Variants in PDE1C observed in about 807,000 individuals in gnomAD.
PDE1C encodes the protein phosphodiesterase 1C.
Under a neutral mutation model 93.1 loss-of-function variants are expected in PDE1C, and 62 were observed. The ratio of observed to expected loss-of-function variants is 0.67; its 90% CI spans 0.54 to 0.82. The LOEUF is 0.82. PDE1C is among the 40% of genes least tolerant of loss of function. The probability of loss-of-function intolerance (pLI) is 0.00; values close to 1 mark genes in which losing one functional copy is unlikely to be tolerated. For missense variants in PDE1C, 742 were observed against 884.6 expected (o/e 0.84, Z 2.04); for synonymous variants, 325 against 310.1 (o/e 1.05, Z -0.50).
At chr7:31,965,187 G>A (rs1347962089) in intron 2 of PDE1C, among the ~76,000 whole-genome samples, 1 of 150,522 alleles carries the variant, frequency 6.6e-6, no homozygotes, top group African/African-American at 2.5e-5. Flanking sequence ...TCGAACCAAT[G>A]GCAAAGAAGT....
At chr7:31,895,989 C>CATACATACATA (rs1554399921) in intron 2 of PDE1C, among the ~76,000 whole-genome samples, 1 of 29,994 alleles carries the variant, frequency 3.3e-5, no homozygotes, top group Admixed American at 5.3e-4. Context: ...ATACACTCTC[C>CATACATACATA]CTTACATACA....
chr7:31,684,637 C>T, the PDE1C span, among the ~76,000 whole-genome samples: 1 of 152,100 alleles, frequency 6.6e-6, no homozygotes, highest in Non-Finnish European at 1.5e-5. Context: ...AGAGAAACTA[C>T]GCAGATGACA....
At chr7:32,418,246 C>T (rs1169864915) in intron 1 of PDE1C, among the ~76,000 whole-genome samples, 1 of 152,110 alleles carries the variant, frequency 6.6e-6, no homozygotes, top group Non-Finnish European at 1.5e-5. Context: ...TTTTTATCAG[C>T]CTCAAGCTGC....
intron 2 of PDE1C, among the ~76,000 whole-genome samples, chr7:32,202,887 A>C (rs1352936781): frequency 6.6e-6 from 1 of 152,114 alleles, no homozygotes; most frequent in African/African-American, 2.4e-5. Context: ...TAACGTGAAC[A>C]ATACCATATT....
chr7:32,420,115 A>G (rs1411143498), intron 1 of PDE1C, among the ~76,000 whole-genome samples: 1 of 28,130 alleles, frequency 3.6e-5, no homozygotes, highest in African/African-American at 1.1e-4. Flanking sequence ...ATATATATAT[A>G]TATATATATA....
intron 17 of PDE1C, among the ~76,000 whole-genome samples, chr7:31,773,762 G>A (rs558108741): frequency 3.9e-4 from 59 of 152,114 alleles, no homozygotes; most frequent in Non-Finnish European, 7.1e-4. Flanking sequence ...AAACATTAAT[G>A]CATACCCAGT....
chr7:31,699,992 G>C, the PDE1C span, among the ~76,000 whole-genome samples: 1 of 151,800 alleles, frequency 6.6e-6, no homozygotes, highest in African/African-American at 2.4e-5. Flanking sequence ...CCTATTCCAC[G>C]AGACACAAAG....
intron 2 of PDE1C, among the ~76,000 whole-genome samples, chr7:31,892,241 G>A (rs1375424433): frequency 6.6e-6 from 1 of 152,158 alleles, no homozygotes; most frequent in Non-Finnish European, 1.5e-5. Context: ...GCTACTAACT[G>A]TGTCTGATGA....
At chr7:31,709,505 G>A in the PDE1C span, among the ~76,000 whole-genome samples, 1 of 152,156 alleles carries the variant, frequency 6.6e-6, no homozygotes, top group South Asian at 2.1e-4. Context: ...CATTGCCTGA[G>A]TATTGAATGG....
chr7:32,264,806 C>A (rs1374885532), intron 1 of PDE1C, among the ~76,000 whole-genome samples: 1 of 152,218 alleles, frequency 6.6e-6, no homozygotes, highest in African/African-American at 2.4e-5. Flanking sequence ...AGCCAGAAAA[C>A]AACCAACCAT....
Position 32,420,011 on chromosome 7 carries a change from G to A in PDE1C, c.310+7811C>T, listed in dbSNP as rs534573268. On this transcript the variant is annotated intron_variant, in intron 1 of 1. Coordinates refer to the PDE1C transcript ENST00000672256. Reference sequence around the variant, plus strand: ...AGGTGGAGGTGGGCAGATCACCTGAGGTCAGGAGTTCAAGACCAGCCTGGC... The same window carrying A: ...AGGTGGAGGTGGGCAGATCACCTGAAGTCAGGAGTTCAAGACCAGCCTGGC... Among the ~76,000 whole-genome samples the A allele has an allele frequency of 4.5e-4, 66 of 145,290 alleles. 1 individual carries two copies. The Middle Eastern group carries it at 0.015, about 32-fold the overall frequency.
intron 1 of PDE1C, among the ~76,000 whole-genome samples, chr7:32,059,490 C>T (rs1002089314): frequency 2.6e-5 from 4 of 152,146 alleles, no homozygotes; most frequent in Admixed American, 2.6e-4. Flanking sequence ...CAAAGCAAGC[C>T]CCACTCTTCA....
At chr7:32,328,186 G>A (rs1348657046) in intron 1 of PDE1C, among the ~76,000 whole-genome samples, 3 of 152,062 alleles carry the variant, frequency 2.0e-5, no homozygotes, top group African/African-American at 7.2e-5. Context: ...TAGTTCTATT[G>A]TTCACATCCT....
chr7:32,054,528 C>T (rs1000951947), intron 1 of PDE1C, among the ~76,000 whole-genome samples: 1 of 152,088 alleles, frequency 6.6e-6, no homozygotes, highest in South Asian at 2.1e-4. Context: ...CTATATCTAT[C>T]CCAAGGGCAT....
At chr7:32,304,814 T>C (rs187610145) in intron 1 of PDE1C, among the ~76,000 whole-genome samples, 59 of 152,280 alleles carry the variant, frequency 3.9e-4, no homozygotes, top group African/African-American at 1.4e-3. Context: ...ACTCAACCCA[T>C]AGTAAACATT....
At chr7:32,044,441 G>A (rs895176364) in intron 2 of PDE1C, among the ~76,000 whole-genome samples, 1 of 152,122 alleles carries the variant, frequency 6.6e-6, no homozygotes, top group Non-Finnish European at 1.5e-5. Flanking sequence ...AAGAAGATAG[G>A]CATTTAATGG....
intron 1 of PDE1C, among the ~76,000 whole-genome samples, chr7:32,261,395 C>T (rs1810188601): frequency 6.6e-6 from 1 of 152,118 alleles, no homozygotes; most frequent in African/African-American, 2.4e-5. Flanking sequence ...ATCAGCACTC[C>T]CCACTTCCCA....
At chr7:31,823,925 T>C (rs1315758590) in intron 13 of PDE1C, among the ~76,000 whole-genome samples, 1 of 152,090 alleles carries the variant, frequency 6.6e-6, no homozygotes, top group Non-Finnish European at 1.5e-5. Flanking sequence ...AAATTCATGA[T>C]GGACTAGACA....
the PDE1C span, among the ~76,000 whole-genome samples, chr7:31,685,515 G>C: frequency 1.3e-5 from 2 of 152,136 alleles, no homozygotes; most frequent in African/African-American, 4.8e-5. Flanking sequence ...ATTTCAGAAG[G>C]AAAGTATATC....
Sources: gnomAD v4.1 joint callset for allele counts (sites outside exome capture counted in the v4.1 genomes callset) on GRCh38, gnomAD v4.1.1 for gene constraint, MANE v1.5 for transcripts, NCBI Gene and HGNC (gene_info 2026-07-23, HGNC 2026-07-21) for gene names.